GUSB: variants seen among roughly 807,000 people sequenced by gnomAD.
The protein encoded by GUSB is glucuronidase beta.
Under a neutral mutation model 74.6 loss-of-function variants are expected in GUSB, and 51 were observed. The observed-to-expected ratio is 0.68, with a 90% CI of 0.55 to 0.86. The LOEUF is 0.86. GUSB is among the 40% of genes least tolerant of loss of function. The probability of loss-of-function intolerance (pLI) is 0.00; values close to 1 mark genes in which losing one functional copy is unlikely to be tolerated. For missense variants in GUSB, 736 were observed against 853.7 expected (o/e 0.86, Z 1.72); for synonymous variants, 360 against 348.3 (o/e 1.03, Z -0.37).
At chr7:65,980,188 C>G in intron 2 of GUSB, 36 bp downstream of exon 2, 1 of 452,838 alleles carries the variant, frequency 2.2e-6, no homozygotes, top group Non-Finnish European at 4.5e-6. Context: ...CAGCCGTGCC[C>G]CCCCACCCGC....
chr7:65,970,379 G>C lies in GUSB; in HGVS notation c.1392-13C>G, dbSNP rs946280586. The C allele has an allele frequency of 6.3e-7, 1 of 1,596,306 alleles. No homozygotes were observed. Among genetic ancestry groups the C allele is most frequent in the African/African-American group, 1.3e-5 (1 of 74,458 alleles). On this transcript the variant is annotated splice_polypyrimidine_tract_variant and intron_variant, in intron 8 of 11. Transcript: ENST00000304895. Reference sequence around the variant, plus strand: ...AGCGATCACCATCCTGTCCACAAAAGGCAGAAGAAACAGGTTCCATCAGTC... The same window carrying C: ...AGCGATCACCATCCTGTCCACAAAACGCAGAAGAAACAGGTTCCATCAGTC...
chr7:65,977,779 A>T (rs1791681125), intron 4 of GUSB, among the ~76,000 whole-genome samples: 2 of 151,674 alleles, frequency 1.3e-5, no homozygotes, highest in Admixed American at 6.6e-5. Context: ...TGCAAGCCTC[A>T]TCTCAGAAAA....
chr7:65,981,047 T>C (rs1791975494), intron 1 of GUSB, among the ~76,000 whole-genome samples: 1 of 152,072 alleles, frequency 6.6e-6, no homozygotes, highest in South Asian at 2.1e-4. Flanking sequence ...TGTCACCTTC[T>C]CCCGATCCCC....
chr7:65,967,497 C>T (rs926574226), intron 10 of GUSB, among the ~76,000 whole-genome samples: 4 of 152,074 alleles, frequency 2.6e-5, no homozygotes, highest in Non-Finnish European at 5.9e-5. Flanking sequence ...CACTTGGGCA[C>T]GGGTGATAGG....
In GUSB at chr7:65,976,056, A is replaced by T. The variant is rs760452541; in HGVS notation, c.871T>A (p.Tyr291Asn). 16 of 1,613,726 alleles carry T rather than the reference A, an allele frequency of 9.9e-6. No homozygotes were observed. In the African/African-American group the frequency reaches 1.6e-4, roughly 16 times the overall value. The change falls in exon 5 of 12, where the codon TAC becomes AAC. Residue 291 changes from tyrosine (Y) to asparagine (N), a missense_variant. Physicochemically the swap from Tyr to Asn is moderately radical, Grantham distance 143. Coordinates refer to ENST00000304895, the MANE Select transcript of GUSB (RefSeq NM_000181.4). ...TAGGCAGGGCGTTCGTGCATCAGGT[A>T]CGGCCACCAGAGGCTGACACCTGGC... The part of the protein sequence containing the change: ...KVPGVSLWWP[Y>N]LMHERPAYLY...
In GUSB at chr7:65,960,746, C is replaced by CTTTA; in HGVS notation, c.*147_*150dup. ...ATAATAGAAAATCTTTTATTTCCAC[C>CTTTA]TTTAGTGTTCCCTGCTAGAATAGAT... On this transcript the variant is annotated 3_prime_UTR_variant, in exon 12 of 12. Transcript: ENST00000304895. 2.8e-6 allele frequency: 2 copies of CTTTA among 714,576 alleles called. No homozygotes were observed. Among genetic ancestry groups the CTTTA allele is most frequent in the Admixed American group, 4.4e-5 (2 of 45,514 alleles). The allele number at this position is 714,576 out of a possible 1,614,324, so 44.3% of individuals were successfully genotyped here. A position where few individuals can be genotyped will look rare whatever the true frequency, so the allele number is the denominator to read the frequency against.
At chr7:65,968,713 A>G (rs1457326346) in intron 9 of GUSB, among the ~76,000 whole-genome samples, 1 of 152,148 alleles carries the variant, frequency 6.6e-6, no homozygotes, top group Non-Finnish European at 1.5e-5. Flanking sequence ...CAGTCTCCCG[A>G]GTAGCTAGGA....
intron 10 of GUSB, among the ~76,000 whole-genome samples, chr7:65,965,572 C>T (rs1790781503): frequency 6.6e-6 from 1 of 152,136 alleles, no homozygotes; most frequent in Non-Finnish European, 1.5e-5. Flanking sequence ...CTCTGTCACC[C>T]AGGTGGGAGT....
chr7:65,973,246 G>C (rs1412695361), intron 8 of GUSB, among the ~76,000 whole-genome samples: 1 of 152,026 alleles, frequency 6.6e-6, no homozygotes, highest in Non-Finnish European at 1.5e-5. Context: ...GAGGTCAGTA[G>C]TCCAAGACCA....
At chr7:65,962,701 C>T (rs1265364252) in intron 11 of GUSB, among the ~76,000 whole-genome samples, 5 of 151,980 alleles carry the variant, frequency 3.3e-5, no homozygotes, top group Non-Finnish European at 5.9e-5. Context: ...GGAGAAACCC[C>T]GTCTCTACTA....
chr7:65,964,472 C>A lies in GUSB; in HGVS notation c.1654-14G>T, dbSNP rs761874655. 2.5e-6 allele frequency: 4 copies of A among 1,609,900 alleles called. No homozygotes were observed. The Admixed American group carries it at 6.7e-5, about 27-fold the overall frequency. ...CAGAGGTGGATCCTAGGATTCAAGG[C>A]AAAGAGAATGTAAGAGTCAGAACTG... On this transcript the variant is annotated splice_polypyrimidine_tract_variant and intron_variant, in intron 10 of 11. Coordinates refer to ENST00000304895, the MANE Select transcript of GUSB (RefSeq NM_000181.4).
chr7:65,974,225 G>T, intron 8 of GUSB, 70 bp downstream of exon 8: 2 of 1,478,434 alleles, frequency 1.4e-6, no homozygotes, highest in Non-Finnish European at 1.9e-6. Context: ...AACAGCACAT[G>T]CCCACCGAGG....
chr7:65,980,221 G>T lies in GUSB; in HGVS notation c.396+3C>A. 1 of 1,056,014 alleles carries T rather than the reference G, an allele frequency of 9.5e-7. No individual in the cohort carries two copies. The highest frequency in any genetic ancestry group is 1.3e-5 in the South Asian group (1 of 79,254). 65.4% of individuals were successfully genotyped at this position (1,056,014 alleles called of 1,614,324 possible). ...CGCCCTGCCTGCTCCTGGCCGCACT[G>T]ACCACGATGGCATAGGAATGGGCAC... On this transcript the variant is annotated splice_donor_region_variant and intron_variant, in intron 2 of 11. Coordinates refer to ENST00000304895, the MANE Select transcript of GUSB (RefSeq NM_000181.4).
intron 11 of GUSB, among the ~76,000 whole-genome samples, chr7:65,961,657 G>A (rs1790503860): frequency 6.6e-6 from 1 of 152,040 alleles, no homozygotes; most frequent in Non-Finnish European, 1.5e-5. Flanking sequence ...ATCACCTGAG[G>A]TCAGGAGTTC....
Position 65,980,298 on chromosome 7 carries a change from G to A in GUSB, c.322C>T (p.Pro108Ser). 1 of 1,613,174 alleles carries A rather than the reference G, an allele frequency of 6.2e-7. No homozygotes were observed. Residue 108 changes from proline (P) to serine (S), a missense_variant, in exon 2 of 12, where the codon CCG becomes TCG. This residue lies in a region of GUSB where 368 missense variants were observed against 363.8 expected (regional missense o/e 1.01). Coordinates refer to ENST00000304895, the MANE Select transcript of GUSB (RefSeq NM_000181.4). The part of the protein sequence containing the change: ...WVWYEREVIL[P>S]ERWTQDLRTR... ...CGCAGGTCCTGGGTCCATCGCTCCG[G>A]CAGGATCACCTCCCGTTCGTACCAC...
rs1470438502 is a variant in GUSB, at chr7:65,970,146, C to A, written c.1476+136G>T. The A allele has an allele frequency of 1.0e-5, 7 of 686,364 alleles. No individual in the cohort carries two copies. The East Asian group carries it at 1.7e-4, about 16-fold the overall frequency. The allele number at this position is 686,364 out of a possible 1,614,324, so 42.5% of individuals were successfully genotyped here. On this transcript the variant is annotated intron_variant, in intron 9 of 11. Coordinates refer to ENST00000304895, the MANE Select transcript of GUSB (RefSeq NM_000181.4). ...CAACATGGCAAGACCCTGTCTCTATCTTTTTAAGTAAAAAAGAAAATGAAA... is the reference window on the plus strand; with the variant it reads ...CAACATGGCAAGACCCTGTCTCTATATTTTTAAGTAAAAAAGAAAATGAAA...
chr7:65,981,558 C>T (rs1583952146), intron 1 of GUSB, among the ~76,000 whole-genome samples: 1 of 151,306 alleles, frequency 6.6e-6, no homozygotes, highest in Non-Finnish European at 1.5e-5. Flanking sequence ...TTTCAATTAG[C>T]CAGGCGTGTT....
chr7:65,973,573 G>A (rs1032817341), intron 8 of GUSB, among the ~76,000 whole-genome samples: 15 of 151,808 alleles, frequency 9.9e-5, no homozygotes, highest in South Asian at 2.1e-4. Flanking sequence ...GCCACGGAGT[G>A]AGACTCCATC....
At chr7:65,961,365 C>A (rs756328110) in intron 11 of GUSB, among the ~76,000 whole-genome samples, 1 of 152,122 alleles carries the variant, frequency 6.6e-6, no homozygotes, top group Non-Finnish European at 1.5e-5. Context: ...AACTACTGGG[C>A]TCAAGCAATC....
Sources: allele counts gnomAD v4.1 joint callset (sites outside exome capture counted in the v4.1 genomes callset), GRCh38; gene constraint gnomAD v4.1.1; regional missense constraint gnomAD v4.1.1; transcripts MANE v1.5; gene names NCBI Gene and HGNC (gene_info 2026-07-23, HGNC 2026-07-21).